DSG2: variants seen among roughly 807,000 people sequenced by gnomAD.
DSG2 encodes the protein desmoglein 2.
Under a neutral mutation model 75.6 loss-of-function variants are expected in DSG2, and 45 were observed. The observed-to-expected ratio is 0.60, with a 90% CI of 0.47 to 0.76. The LOEUF (loss-of-function observed/expected upper bound fraction) is 0.76, where lower values mean the gene tolerates loss of function less well. Ranked by LOEUF, DSG2 falls within the 30% of genes least tolerant of loss-of-function variation. The probability of loss-of-function intolerance (pLI) is 0.00; values close to 1 mark genes in which losing one functional copy is unlikely to be tolerated. For missense variants in DSG2, 1,267 were observed against 1,357.4 expected, an observed-to-expected ratio of 0.93 and a Z score of 1.05; for synonymous variants, 429 against 483.9, an observed-to-expected ratio of 0.89 and a Z score of 1.49.
intron 1 of DSG2, among the ~76,000 whole-genome samples, chr18:31,504,931 A>G (rs758593519): frequency 3.3e-5 from 5 of 152,072 alleles, no homozygotes; most frequent in Non-Finnish European, 7.4e-5. Flanking sequence ...TCCTACTTCT[A>G]CCTGTCTATC....
intron 3 of DSG2, 71 bp downstream of exon 3, chr18:31,520,008 A>G (rs2073119359): frequency 6.3e-7 from 1 of 1,588,592 alleles, no homozygotes; most frequent in Non-Finnish European, 8.6e-7. Context: ...TTTTATGTCT[A>G]CTTTAAGATT....
Position 31,530,991 on chromosome 18 carries a change from T to G in DSG2, c.1019T>G (p.Val340Gly). 6.2e-7 allele frequency: 1 copy of G among 1,614,006 alleles called. No homozygotes were observed. ...CCCTTTGGTTTTCCCTTTCAGGAAG[T>G]AGATTATGAAGAAATGAAGAATCTT... ...NEGIVTLIKE[V>G]DYEEMKNLDF... The change falls in exon 9 of 15, where the codon GTA (valine) becomes GGA (glycine). Residue 340 changes from valine (V) to glycine (G), a missense_variant. Coordinates refer to ENST00000261590, the MANE Select transcript of DSG2 (RefSeq NM_001943.5).
chr18:31,512,190 C>A (rs1445535865), intron 1 of DSG2, among the ~76,000 whole-genome samples: 4 of 152,110 alleles, frequency 2.6e-5, no homozygotes, highest in African/African-American at 9.7e-5. Context: ...CAACACCACC[C>A]CTGTCTCCTG....
chr18:31,532,645 G>T (rs1042095826), intron 9 of DSG2, among the ~76,000 whole-genome samples: 33 of 152,228 alleles, frequency 2.2e-4, no homozygotes, highest in African/African-American at 7.9e-4. Flanking sequence ...TTTCTGTAGT[G>T]CCTTGGTGAC....
At chr18:31,544,963 C>A (rs1475329416) in intron 14 of DSG2, among the ~76,000 whole-genome samples, 9 of 152,186 alleles carry the variant, frequency 5.9e-5, no homozygotes, top group Admixed American at 3.3e-4. Context: ...TTCCCACTTT[C>A]TGCTCCTTTT....
intron 1 of DSG2, among the ~76,000 whole-genome samples, chr18:31,511,844 C>G (rs1469503126): frequency 6.6e-6 from 1 of 152,162 alleles, no homozygotes; most frequent in Admixed American, 6.5e-5. Context: ...AGATTGCCAG[C>G]ATCCCAGAAG....
chr18:31,517,233 G>A (rs1180912201), intron 1 of DSG2, among the ~76,000 whole-genome samples: 1 of 152,174 alleles, frequency 6.6e-6, no homozygotes, highest in Non-Finnish European at 1.5e-5. Context: ...CATGGGCATC[G>A]AGAATAGAAT....
chr18:31,501,367 A>G (rs1363656975), intron 1 of DSG2, among the ~76,000 whole-genome samples: 1 of 152,250 alleles, frequency 6.6e-6, no homozygotes, highest in African/African-American at 2.4e-5. Flanking sequence ...ATAGCAGATC[A>G]CACTGTGAGC....
At chr18:31,505,684 A>G (rs900642437) in intron 1 of DSG2, among the ~76,000 whole-genome samples, 45 of 136,038 alleles carry the variant, frequency 3.3e-4, no homozygotes, top group Non-Finnish European at 5.4e-4. Flanking sequence ...TTTTTTTGAG[A>G]TGGAGTCTCT....
At chr18:31,515,400 C>T (rs977026783) in intron 1 of DSG2, among the ~76,000 whole-genome samples, 4 of 152,096 alleles carry the variant, frequency 2.6e-5, no homozygotes, top group South Asian at 4.1e-4. Context: ...CCACTGTACC[C>T]GGCCTAAATA....
intron 1 of DSG2, among the ~76,000 whole-genome samples, chr18:31,509,726 A>G (rs191548844): frequency 1.1e-4 from 17 of 152,324 alleles, no homozygotes; most frequent in African/African-American, 4.1e-4. Context: ...TCACTGGTCC[A>G]CCCTGACTGC....
rs9945420 is a variant in DSG2 at position 31,498,553 on chromosome 18, A to C, written c.45+257A>C. Among the ~76,000 whole-genome samples the C allele has an allele frequency of 0.4, 60,688 of 152,006 alleles. 12,644 individuals carry two copies. Among genetic ancestry groups the C allele is most frequent in the African/African-American group, 0.51 (21,309 of 41,478 alleles). ...TTGTGTTTTCCTTCCCGCGTCACCC[A>C]GGCCCCAGCGCCCTTTTCTGTGGTG... On this transcript the variant is annotated intron_variant, in intron 1 of 14. Coordinates refer to ENST00000261590, the MANE Select transcript of DSG2 (RefSeq NM_001943.5).
At chr18:31,544,061 A>G (rs1464653977) in intron 14 of DSG2, among the ~76,000 whole-genome samples, 1 of 152,190 alleles carries the variant, frequency 6.6e-6, no homozygotes, top group African/African-American at 2.4e-5. Context: ...AGAGAAACAG[A>G]CAAATTCATA....
rs1012160082 is a variant in DSG2 at position 31,498,251 on chromosome 18, G to C, written c.-1G>C. The C allele has an allele frequency of 3.4e-5, 43 of 1,258,426 alleles. No homozygotes were observed. The highest frequency in any genetic ancestry group is 4.1e-5 in the Non-Finnish European group (41 of 997,932). 78.0% of individuals were successfully genotyped at this position (1,258,426 alleles called of 1,614,324 possible). On this transcript the variant is annotated 5_prime_UTR_variant, in exon 1 of 15. Coordinates refer to ENST00000261590, the MANE Select transcript of DSG2 (RefSeq NM_001943.5). ...CGGCGGGAGGCGGAGGCGAGGGTGC[G>C]ATGGCGCGGAGCCCGGGACGCGCGT...
At position 31,518,264 on chromosome 18, in the gene DSG2, T is replaced by A. The variant is rs1297747922; in HGVS notation, c.71T>A (p.Leu24His). 1.2e-6 allele frequency: 2 copies of A among 1,613,538 alleles called. No individual in the cohort carries two copies. Among genetic ancestry groups the A allele is most frequent in the South Asian group, 2.2e-5 (2 of 91,064 alleles). Residue 24 changes from leucine to histidine, a missense_variant, in exon 2 of 15, where the codon CTT (leucine) becomes CAT (histidine). Leu to His is a moderately conservative substitution (Grantham distance 99). Transcript: ENST00000261590. ...ATCTGCTTTAACGTTGGAAGTGGAC[T>A]TCACTTACAGGTGAGGAAACAAAGG... ...LLICFNVGSGLHLQVLSTRNE... is the reference protein window; with the variant it reads ...LLICFNVGSGHHLQVLSTRNE...
At chr18:31,543,534 C>A (rs955862754) in intron 14 of DSG2, 1 of 152,118 alleles carries the variant, frequency 6.6e-6, no homozygotes, top group African/African-American at 2.4e-5. Flanking sequence ...GAAGCTCATG[C>A]TAGAATTGAG....
rs2073124030 is a variant in DSG2 at position 31,520,934 on chromosome 18, T to G, written c.348T>G (p.Ile116Met). ...KDTGELNVTSILDREETPFFL... is the reference protein window; with the variant it reads ...KDTGELNVTSMLDREETPFFL... ...CTGGAGAACTGAATGTTACCAGCAT[T>G]CTTGATCGAGAAGAAACACCATTTT... Residue 116 changes from isoleucine to methionine, a missense_variant, in exon 4 of 15, where the codon ATT becomes ATG. Ile to Met is a conservative substitution (Grantham distance 10, BLOSUM62 1). Coordinates refer to ENST00000261590, the MANE Select transcript of DSG2 (RefSeq NM_001943.5). 1 of 1,613,712 alleles carries G rather than the reference T, an allele frequency of 6.2e-7. No individual in the cohort carries two copies. The highest frequency in any genetic ancestry group is 1.7e-5 in the Admixed American group (1 of 59,996).
intron 5 of DSG2, 64 bp downstream of exon 5, chr18:31,521,307 A>G: frequency 6.8e-7 from 1 of 1,464,968 alleles, no homozygotes; most frequent in East Asian, 2.5e-5. Context: ...CCCACTGTAA[A>G]TAAACACTAA....
chr18:31,528,936 A>G (rs992461163), intron 8 of DSG2, among the ~76,000 whole-genome samples: 2 of 152,140 alleles, frequency 1.3e-5, no homozygotes, highest in African/African-American at 4.8e-5. Context: ...ACTGGACCAT[A>G]GTGATGATTG....
Sources: allele counts gnomAD v4.1 joint callset (sites outside exome capture counted in the v4.1 genomes callset), GRCh38; gene constraint gnomAD v4.1.1; transcripts MANE v1.5; gene names NCBI Gene and HGNC (gene_info 2026-07-23, HGNC 2026-07-21).